The following CSMD1 variants were observed in gnomAD, a reference collection of about 807,000 sequenced individuals.
CSMD1 encodes the protein CUB and sushi domain-containing protein 1.
Under a neutral mutation model 417.5 loss-of-function variants are expected in CSMD1, and 213 were observed. That is an observed-to-expected ratio of 0.51 (90% CI 0.46 to 0.57). The LOEUF (loss-of-function observed/expected upper bound fraction) is 0.57, where lower values mean the gene tolerates loss of function less well. Ranked by LOEUF, CSMD1 falls within the 20% of genes least tolerant of loss-of-function variation. The probability of loss-of-function intolerance (pLI) is 0.00; values close to 1 mark genes in which losing one functional copy is unlikely to be tolerated. For synonymous variants in CSMD1, 2,862 were observed against 1,736.8 expected (o/e 1.65, Z -16.11); for missense variants, 6,923 against 4,529.7 (o/e 1.53, Z -15.17).
intron 3 of CSMD1, among the ~76,000 whole-genome samples, chr8:4,040,269 C>G (rs572900142): frequency 2.0e-5 from 3 of 152,184 alleles, no homozygotes; most frequent in African/African-American, 4.8e-5. Flanking sequence ...ACCGGAAATA[C>G]TTGCACAACA....
chr8:2,998,828 TAC>T (rs1041778455), intron 53 of CSMD1, among the ~76,000 whole-genome samples: 5 of 152,322 alleles, frequency 3.3e-5, no homozygotes, highest in African/African-American at 1.2e-4. Flanking sequence ...AGAAACACAC[TAC>T]AGTCATAAAA....
chr8:4,001,490 G>A (rs7013771), intron 4 of CSMD1, among the ~76,000 whole-genome samples: 21,675 of 152,120 alleles, frequency 0.14, 1,607 homozygotes, highest in East Asian at 0.19. Context: ...ACAGCTGACA[G>A]AACTGTGCTG....
At chr8:3,757,860 C>CAAAG (rs1467755744) in intron 5 of CSMD1, among the ~76,000 whole-genome samples, 3 of 151,066 alleles carry the variant, frequency 2.0e-5, no homozygotes, top group Non-Finnish European at 4.4e-5. Context: ...AAAAAACAAA[C>CAAAG]AAACAAACAA....
Position 3,000,091 on chromosome 8 carries a change from GTGA to G in CSMD1, c.8067_8069del (p.His2690del). The G allele has an allele frequency of 1.3e-6, 2 of 1,584,706 alleles. No individual in the cohort carries two copies. The highest frequency in any genetic ancestry group is 1.1e-5 in the South Asian group (1 of 87,320). On this transcript the variant is annotated inframe_deletion, in exon 53 of 70. Coordinates refer to ENST00000635120, the MANE Select transcript of CSMD1 (RefSeq NM_033225.6). ...TGTAACTGAAGCCATCTCCACTAAT[GTGA>G]CCGTTCACAATCGGGTCTGGGGAAC...
At position 4,170,235 on chromosome 8, in the gene CSMD1, C is replaced by T. The variant is rs541424112; in HGVS notation, c.416-138136G>A. Among the ~76,000 whole-genome samples, 20 of 151,942 alleles carry T rather than the reference C, an allele frequency of 1.3e-4. No homozygotes were observed. The South Asian group carries it at 2.1e-3, about 16-fold the overall frequency. ...CTAGCTGTTATCTCTTCTCTTTCCCCATCTCTCTTTCTCTTTTTGAATTAC... is the reference window on the plus strand; with the variant it reads ...CTAGCTGTTATCTCTTCTCTTTCCCTATCTCTCTTTCTCTTTTTGAATTAC... On this transcript the variant is annotated intron_variant, in intron 3 of 69. Coordinates refer to ENST00000635120, the MANE Select transcript of CSMD1 (RefSeq NM_033225.6).
At chr8:3,819,437 G>C (rs1372323948) in intron 5 of CSMD1, among the ~76,000 whole-genome samples, 1 of 151,978 alleles carries the variant, frequency 6.6e-6, no homozygotes, top group Non-Finnish European at 1.5e-5. Context: ...AAGAAAGTTG[G>C]AAGCTAGAAG....
chr8:2,990,588 C>A (rs1332714933), intron 54 of CSMD1, among the ~76,000 whole-genome samples: 1 of 152,130 alleles, frequency 6.6e-6, no homozygotes, highest in African/African-American at 2.4e-5. Context: ...ACATTATCGG[C>A]GAAAGCAGGA....
chr8:4,588,570 G>T (rs570981309), intron 2 of CSMD1, among the ~76,000 whole-genome samples: 1 of 151,802 alleles, frequency 6.6e-6, no homozygotes, highest in African/African-American at 2.4e-5. Context: ...CGAGTCTGGC[G>T]GATCAGCAGA....
chr8:4,761,894 C>CTAT (rs1563319426), intron 1 of CSMD1, among the ~76,000 whole-genome samples: 4 of 83,746 alleles, frequency 4.8e-5, no homozygotes, highest in African/African-American at 1.8e-4. Context: ...TATCTACCTA[C>CTAT]CTATCTATCT....
At chr8:4,286,160 A>C (rs1421890179) in intron 3 of CSMD1, among the ~76,000 whole-genome samples, 1 of 151,982 alleles carries the variant, frequency 6.6e-6, no homozygotes, top group Non-Finnish European at 1.5e-5. Context: ...CTGGTACCAT[A>C]AACAAAAGTC....
chr8:4,411,337 C>G (rs961787299), intron 3 of CSMD1, among the ~76,000 whole-genome samples: 2 of 152,044 alleles, frequency 1.3e-5, no homozygotes, highest in African/African-American at 4.8e-5. Flanking sequence ...GAGTGGATTT[C>G]TATCAAGAGC....
intron 5 of CSMD1, among the ~76,000 whole-genome samples, chr8:3,888,834 A>C (rs1185160866): frequency 6.6e-6 from 1 of 152,160 alleles, no homozygotes. Flanking sequence ...ATTCTAGAAA[A>C]TGATGCCCTC....
intron 3 of CSMD1, among the ~76,000 whole-genome samples, chr8:4,077,806 G>C (rs542823725): frequency 7.2e-5 from 11 of 152,220 alleles, no homozygotes; most frequent in African/African-American, 2.2e-4. Context: ...TTCTCACTCT[G>C]TTCCATGGGA....
chr8:4,276,756 T>C (rs538849088), intron 3 of CSMD1, among the ~76,000 whole-genome samples: 1 of 152,232 alleles, frequency 6.6e-6, no homozygotes, highest in African/African-American at 2.4e-5. Context: ...TTGATGTTTC[T>C]GTGTAGAAGG....
intron 2 of CSMD1, among the ~76,000 whole-genome samples, chr8:4,613,538 C>G (rs1399262679): frequency 6.6e-6 from 1 of 152,178 alleles, no homozygotes; most frequent in East Asian, 1.9e-4. Flanking sequence ...AACTGTAAGC[C>G]CAGCACTTTC....
chr8:3,885,870 T>C (rs986364573), intron 5 of CSMD1, among the ~76,000 whole-genome samples: 5 of 152,184 alleles, frequency 3.3e-5, no homozygotes, highest in Admixed American at 1.3e-4. Context: ...ATTTGCTCTT[T>C]TGCTAAATTT....
At chr8:4,101,614 G>A (rs891106725) in intron 3 of CSMD1, among the ~76,000 whole-genome samples, 13 of 152,170 alleles carry the variant, frequency 8.5e-5, no homozygotes, top group African/African-American at 3.1e-4. Flanking sequence ...AATGTAGGAG[G>A]ACCTTCTGAA....
intron 3 of CSMD1, among the ~76,000 whole-genome samples, chr8:4,155,832 C>T (rs924095198): frequency 6.6e-6 from 1 of 152,116 alleles, no homozygotes; most frequent in Non-Finnish European, 1.5e-5. Flanking sequence ...TCAATTAAAT[C>T]CTCTTAAATA....
At chr8:4,879,539 T>C (rs1309511415) in intron 1 of CSMD1, among the ~76,000 whole-genome samples, 1 of 152,066 alleles carries the variant, frequency 6.6e-6, no homozygotes, top group Non-Finnish European at 1.5e-5. Context: ...TTGGTATTTC[T>C]TTACAAGAAA....
Sources: allele counts gnomAD v4.1 joint callset (sites outside exome capture counted in the v4.1 genomes callset), GRCh38; gene constraint gnomAD v4.1.1; transcripts MANE v1.5; gene names NCBI Gene and HGNC (gene_info 2026-07-23, HGNC 2026-07-21).